Variants in UBTF observed in about 807,000 individuals in gnomAD.
UBTF encodes nucleolar transcription factor 1.
In UBTF, 8 loss-of-function variants were observed where a neutral mutation model predicts 112.3. The observed-to-expected ratio is 0.07, with a 90% CI of 0.04 to 0.13. The LOEUF is 0.13. UBTF is among the 10% of genes least tolerant of loss of function. UBTF has a pLI of 1.00. For synonymous variants in UBTF, 417 were observed against 373.1 expected (o/e 1.12, Z -1.36); for missense variants, 457 against 982.1 (o/e 0.47, Z 7.15).
rs1317554312 is a variant in UBTF, at chr17:44,206,509, A to T, written c.*733T>A. The T allele has an allele frequency of 6.6e-6, 1 of 151,080 alleles. No homozygotes were observed. The highest frequency in any genetic ancestry group is 1.5e-5 in the Non-Finnish European group (1 of 67,758). The allele number at this position is 151,080 out of a possible 1,614,324, so 9.4% of individuals were successfully genotyped here. ...CACATACACATACTCTCTTCCACAT[A>T]CATCAAGACCATTTTTAAAAGGTTC... On this transcript the variant is annotated 3_prime_UTR_variant, in exon 21 of 21. Coordinates refer to ENST00000436088, the MANE Select transcript of UBTF (RefSeq NM_014233.4).
At chr17:44,216,471 TC>T in intron 3 of UBTF, 57 bp downstream of exon 3, 1 of 1,580,446 alleles carries the variant, frequency 6.3e-7, no homozygotes, top group Non-Finnish European at 8.7e-7. Flanking sequence ...CTGTTTCACT[TC>T]CCCCACCACG....
chr17:44,209,158 G>A (rs1219766001), intron 17 of UBTF, 194 bp downstream of exon 17: 5 of 546,774 alleles, frequency 9.1e-6, no homozygotes, highest in East Asian at 3.4e-5. Flanking sequence ...AGGAGAGCAA[G>A]ACTGTCTCAA....
chr17:44,212,646 C>T (rs1395834470), intron 7 of UBTF, among the ~76,000 whole-genome samples, 173 bp downstream of exon 7: 1 of 152,142 alleles, frequency 6.6e-6, no homozygotes, highest in Non-Finnish European at 1.5e-5. Flanking sequence ...CATACACGCA[C>T]GCACACACGC....
chr17:44,210,502 C>A, intron 13 of UBTF, 29 bp from the exon 14 acceptor site: 2 of 1,555,542 alleles, frequency 1.3e-6, no homozygotes, highest in Non-Finnish European at 1.7e-6. Context: ...CGTCAGCCTT[C>A]CACCCACCCC....
In UBTF at chr17:44,210,417, G is replaced by T; in HGVS notation, c.1416C>A (p.Gly472=). 1.9e-6 allele frequency: 3 copies of T among 1,613,960 alleles called. No homozygotes were observed. Among genetic ancestry groups the T allele is most frequent in the Non-Finnish European group, 2.5e-6 (3 of 1,180,024 alleles). Reference sequence around the variant, plus strand: ...GCTTGCCCCGTTCCTCGCGCTCCCCGCCGGGCTTCCTCTCCGACTGAGCCT... The same window carrying T: ...GCTTGCCCCGTTCCTCGCGCTCCCCTCCGGGCTTCCTCTCCGACTGAGCCT... The part of the protein sequence containing the change: ...ALKAQSERKP[G]GEREERGKLP... The change falls in exon 14 of 21, where the codon GGC becomes GGA. Residue 472 remains glycine, a synonymous_variant. Transcript: ENST00000436088.
rs1316305095 is a variant in UBTF at position 44,206,381 on chromosome 17, C to T, written c.*861G>A. ...ACCGACCCTTTTTCCAGATTCACAACAAACTGATGTGGGCTCTAGGACAGA... is the reference window on the plus strand; with the variant it reads ...ACCGACCCTTTTTCCAGATTCACAATAAACTGATGTGGGCTCTAGGACAGA... On this transcript the variant is annotated 3_prime_UTR_variant, in exon 21 of 21. Coordinates refer to ENST00000436088, the MANE Select transcript of UBTF (RefSeq NM_014233.4). 6.6e-6 allele frequency: 1 copy of T among 150,534 alleles called. No individual in the cohort carries two copies. Among genetic ancestry groups the T allele is most frequent in the East Asian group, 2.0e-4 (1 of 5,098 alleles). The allele number at this position is 150,534 out of a possible 1,614,324, so 9.3% of individuals were successfully genotyped here. A position where few individuals can be genotyped will look rare whatever the true frequency, so the allele number is the denominator to read the frequency against.
rs771763301 is a variant in UBTF, at chr17:44,216,616, G to A, written c.147C>T (p.Thr49=). ...CTTTTTCCCAGTCCATGTGTGATTC[G>A]GTGGTTTTGAACTTGGAGCTGTCAT... ...PSNDSSKFKT[T]ESHMDWEKVA... Residue 49 remains threonine (T), a synonymous_variant, in exon 3 of 21, where the codon ACC becomes ACT. Transcript: ENST00000436088. 6 of 1,613,758 alleles carry A rather than the reference G, an allele frequency of 3.7e-6. No individual in the cohort carries two copies. Among genetic ancestry groups the A allele is most frequent in the South Asian group, 3.3e-5 (3 of 91,076 alleles).
chr17:44,211,944 G>A lies in UBTF; in HGVS notation c.834C>T (p.Thr278=). 6.2e-7 allele frequency: 1 copy of A among 1,614,002 alleles called. No individual in the cohort carries two copies. The highest frequency in any genetic ancestry group is 8.5e-7 in the Non-Finnish European group (1 of 1,180,000). Residue 278 remains threonine, a synonymous_variant, in exon 9 of 21, where the codon ACC becomes ACT. Transcript: ENST00000436088. This position sits in a 1 kb window ranked among gnomAD's most constrained non-coding sequence, Gnocchi z 4.9. ...GTTCGGCCTTGGTGAGGGTGGACTT[G>A]GTGATACCCTCCTCACTGATGTTCA... ...PELNISEEGI[T]KSTLTKAERQ... is the part of the protein sequence containing the mutation.
chr17:44,217,657 G>A (rs2144554798), intron 2 of UBTF, among the ~76,000 whole-genome samples: 1 of 152,276 alleles, frequency 6.6e-6, no homozygotes, highest in South Asian at 2.1e-4. Context: ...CAGCTGTCCA[G>A]CTTCATCCTA....
chr17:44,209,105 G>A (rs2056476993), intron 17 of UBTF: 2 of 310,572 alleles, frequency 6.4e-6, no homozygotes, highest in Admixed American at 1.1e-4. Flanking sequence ...GGAGGTGGAG[G>A]TTGCAGTGAG....
intron 3 of UBTF, 55 bp downstream of exon 3, chr17:44,216,474 C>T (rs1598263210): frequency 1.3e-6 from 2 of 1,596,336 alleles, no homozygotes; most frequent in East Asian, 4.5e-5. Flanking sequence ...TTTCACTTCC[C>T]CCACCACGCT....
rs1567784289 is a variant in UBTF at position 44,207,142 on chromosome 17, CA to C, written c.*99del. ...AAGAAAGAAAGAAAGTGGGGGAGGC[CA>C]GGGGGGCAAGGGACAGAACATGGGG... On this transcript the variant is annotated 3_prime_UTR_variant, in exon 21 of 21. Coordinates refer to ENST00000436088, the MANE Select transcript of UBTF (RefSeq NM_014233.4). 9 of 1,333,718 alleles carry C rather than the reference CA, an allele frequency of 6.7e-6. No homozygotes were observed. Among genetic ancestry groups the C allele is most frequent in the Middle Eastern group, 2.3e-4 (1 of 4,280 alleles). The allele number at this position is 1,333,718 out of a possible 1,614,324, so 82.6% of individuals were successfully genotyped here.
rs906770694 is a variant in UBTF, at chr17:44,209,561, A to G, written c.1716-20T>C. ...CCGTTCCTGGGAGGTGGGTTGGTAGAAGGAGGGTCAGGACCCCAACAAAGC... is the reference window on the plus strand; with the variant it reads ...CCGTTCCTGGGAGGTGGGTTGGTAGGAGGAGGGTCAGGACCCCAACAAAGC... On this transcript the variant is annotated intron_variant, in intron 16 of 20. Transcript: ENST00000436088. The G allele has an allele frequency of 6.2e-7, 1 of 1,611,850 alleles. No individual in the cohort carries two copies. The highest frequency in any genetic ancestry group is 8.5e-7 in the Non-Finnish European group (1 of 1,178,318).
At chr17:44,217,383 AC>A (rs1375441648) in intron 2 of UBTF, among the ~76,000 whole-genome samples, 1 of 152,134 alleles carries the variant, frequency 6.6e-6, no homozygotes, top group African/African-American at 2.4e-5. Flanking sequence ...TCCAGGGAGA[AC>A]CCCCAGAATT....
intron 2 of UBTF, among the ~76,000 whole-genome samples, chr17:44,217,227 T>TA (rs1053450025): frequency 6.6e-6 from 1 of 152,106 alleles, no homozygotes; most frequent in African/African-American, 2.4e-5. Flanking sequence ...AAACCAATGT[T>TA]AGAGACACCC....
intron 17 of UBTF, chr17:44,208,821 T>G (rs1485377677): frequency 7.4e-6 from 2 of 268,680 alleles, no homozygotes; most frequent in Non-Finnish European, 1.5e-5. Flanking sequence ...CTGATTTGGA[T>G]TCTTCTACTT....
chr17:44,218,568 C>T (rs1227839745), intron 1 of UBTF: 6 of 286,462 alleles, frequency 2.1e-5, no homozygotes, highest in African/African-American at 4.7e-5. Context: ...GAGCGCCCGC[C>T]CTCCGCCCCG....
chr17:44,213,458 G>A, intron 5 of UBTF, 176 bp from the exon 6 acceptor site: 3 of 608,884 alleles, frequency 4.9e-6, no homozygotes, highest in Non-Finnish European at 8.4e-6. Context: ...AGACCTGCTG[G>A]CTTCTACCAC....
At chr17:44,215,415 G>C (rs1452793991) in intron 5 of UBTF, 2 of 537,368 alleles carry the variant, frequency 3.7e-6, no homozygotes, top group African/African-American at 1.9e-5. Flanking sequence ...TTTTCTGTAG[G>C]GGGAAAGGTT....
Sources: gnomAD v4.1 joint callset for allele counts (sites outside exome capture counted in the v4.1 genomes callset) on GRCh38, gnomAD v4.1.1 for gene constraint, Gnocchi (gnomAD v3.1) non-coding constraint, MANE v1.5 for transcripts, NCBI Gene and HGNC (gene_info 2026-07-23, HGNC 2026-07-21) for gene names.